Variants in FRMD1 observed in about 807,000 individuals in gnomAD.
FRMD1 encodes the protein FERM domain-containing protein 1.
FRMD1 carries 51 observed loss-of-function variants against 54.9 expected under a neutral mutation model. The observed-to-expected ratio is 0.93, with a 90% confidence interval of 0.74 to 1.17. FRMD1 has a LOEUF of 1.17. FRMD1 is among the 50% of genes most tolerant of loss of function. The pLI is 0.00. For missense variants in FRMD1, 729 were observed against 743.0 expected (o/e 0.98, Z 0.22); for synonymous variants, 324 against 306.4 (o/e 1.06, Z -0.60).
At chr6:168,075,182 C>T (rs1800524060) in intron 2 of FRMD1, 63 bp downstream of exon 2, 2 of 1,412,876 alleles carry the variant, frequency 1.4e-6, no homozygotes, top group East Asian at 2.3e-5. Flanking sequence ...GTGCCCACCC[C>T]CTTGACCTCC....
At chr6:168,064,502 C>G (rs940579351) in intron 5 of FRMD1, among the ~76,000 whole-genome samples, 11 of 151,454 alleles carry the variant, frequency 7.3e-5, no homozygotes, top group Admixed American at 7.2e-4. Flanking sequence ...TCCCAGGATA[C>G]TTAGAGAGAA....
At chr6:168,088,880 A>ATCCAGGTGTCCATGTGACCCACGGGC (rs1562436430) in intron 1 of FRMD1, among the ~76,000 whole-genome samples, 2 of 49,722 alleles carry the variant, frequency 4.0e-5, no homozygotes, top group African/African-American at 9.7e-5. Flanking sequence ...CAACCTCCCC[A>ATCCAGGTGTCCATGTGACCCACGGGC]CTCCTTGTGT....
chr6:168,070,682 T>TAC (rs59184286), intron 2 of FRMD1, among the ~76,000 whole-genome samples: 1 of 152,184 alleles, frequency 6.6e-6, no homozygotes, highest in Non-Finnish European at 1.5e-5. Flanking sequence ...TATGTATCTA[T>TAC]ACACACACAC....
intron 10 of FRMD1, 148 bp from the exon 11 acceptor site, chr6:168,057,487 G>A (rs1023973960): frequency 2.4e-5 from 28 of 1,175,296 alleles, no homozygotes; most frequent in Non-Finnish European, 2.8e-5. Context: ...GCCCCTGGAC[G>A]GGTCCCCCAG....
At chr6:168,088,181 A>T (rs1177528414) in intron 1 of FRMD1, among the ~76,000 whole-genome samples, 1 of 152,208 alleles carries the variant, frequency 6.6e-6, no homozygotes, top group Admixed American at 6.5e-5. Flanking sequence ...GTCAGGGCCC[A>T]TGCTGCCTCT....
intron 3 of FRMD1, 105 bp from the exon 4 acceptor site, chr6:168,066,936 A>C: frequency 7.1e-7 from 1 of 1,414,546 alleles, no homozygotes; most frequent in Admixed American, 2.0e-5. Flanking sequence ...ACTCAGCTTA[A>C]AGTCGAAGCT....
At chr6:168,063,288 C>A (rs1026565063) in intron 6 of FRMD1, among the ~76,000 whole-genome samples, 1 of 139,766 alleles carries the variant, frequency 7.2e-6, no homozygotes, top group African/African-American at 2.7e-5. Context: ...CTCTTAGCCA[C>A]GGGGGCTCCA....
intron 1 of FRMD1, chr6:168,075,719 C>G: frequency 6.6e-7 from 1 of 1,520,954 alleles, no homozygotes; most frequent in Non-Finnish European, 8.9e-7. Flanking sequence ...TCCCCATGAG[C>G]GCGAGCATCG....
intron 2 of FRMD1, among the ~76,000 whole-genome samples, chr6:168,074,606 CAT>C (rs1235700351): frequency 4.5e-5 from 6 of 132,852 alleles, no homozygotes; most frequent in Middle Eastern, 6.3e-3. Context: ...TAACTGTGTG[CAT>C]GTGTGTGGTG....
At chr6:168,080,215 GAGA>G (rs1800788616), upstream of FRMD1, among the ~76,000 whole-genome samples, 1 of 152,084 alleles carries the variant, frequency 6.6e-6, no homozygotes, top group African/African-American at 2.4e-5. Flanking sequence ...CCGGTGGGTT[GAGA>G]AGATTTAGGA....
rs1385261341 is a variant in FRMD1 at position 168,079,176 on chromosome 6, A to G, written c.-82T>C. Reference sequence around the variant, plus strand: ...CCAGATCACAGCTGTGCTTTCCGGGACCCGCCCTTGCCGAGCTTCTCACTG... The same window carrying G: ...CCAGATCACAGCTGTGCTTTCCGGGGCCCGCCCTTGCCGAGCTTCTCACTG... On this transcript the variant is annotated 5_prime_UTR_variant, in exon 1 of 11. Coordinates refer to ENST00000283309, the MANE Select transcript of FRMD1 (RefSeq NM_024919.6). The G allele has an allele frequency of 7.0e-6, 10 of 1,435,648 alleles. No homozygotes were observed. The highest frequency in any genetic ancestry group is 2.6e-5 in the Admixed American group (1 of 37,862). The allele number at this position is 1,435,648 out of a possible 1,614,324, so 88.9% of individuals were successfully genotyped here.
At chr6:168,071,768 C>A (rs1342880395) in intron 2 of FRMD1, among the ~76,000 whole-genome samples, 2 of 152,232 alleles carry the variant, frequency 1.3e-5, no homozygotes, top group African/African-American at 2.4e-5. Context: ...GGCTGATGAG[C>A]CAGTAATCTC....
At chr6:168,071,132 C>T (rs1196648450) in intron 2 of FRMD1, among the ~76,000 whole-genome samples, 2 of 152,212 alleles carry the variant, frequency 1.3e-5, no homozygotes, top group African/African-American at 4.8e-5. Flanking sequence ...CCCTTGCTCA[C>T]TGCCACAGGA....
chr6:168,084,026 G>A (rs1466270913), upstream of FRMD1, among the ~76,000 whole-genome samples: 1 of 152,144 alleles, frequency 6.6e-6, no homozygotes, highest in African/African-American at 2.4e-5. Flanking sequence ...CGAGTCCTGT[G>A]GGTCCAAACT....
chr6:168,081,508 C>T (rs1273772534), upstream of FRMD1: 4 of 1,531,128 alleles, frequency 2.6e-6, no homozygotes, highest in East Asian at 4.9e-5. Context: ...CTCGGCCCAA[C>T]TCTCTCTTCT....
upstream of FRMD1, chr6:168,081,621 T>G: frequency 8.8e-7 from 1 of 1,136,878 alleles, no homozygotes; most frequent in Non-Finnish European, 1.2e-6. Flanking sequence ...AAGCACAGGT[T>G]TTGGAAAACA....
chr6:168,063,201 G>T (rs570560479), intron 6 of FRMD1, among the ~76,000 whole-genome samples: 83 of 152,292 alleles, frequency 5.5e-4, no homozygotes, highest in African/African-American at 2.0e-3. Flanking sequence ...GCCTGGCCAT[G>T]CCGGGCCCGG....
chr6:168,061,048 T>A lies in FRMD1; in HGVS notation c.1055A>T (p.His352Leu). The change falls in exon 9 of 11, where the codon CAC (histidine) becomes CTC (leucine). Residue 352 changes from histidine (H) to leucine (L), a missense_variant. Coordinates refer to ENST00000283309, the MANE Select transcript of FRMD1 (RefSeq NM_024919.6). ...ATCGCTGATATAGGACTCCCGGTAG[T>A]GCTGCTTCTCTGTGGGGAGTGGGGA... Reference protein sequence around the residue: ...RQREEAEEKQHYRESYISDEL... With the variant: ...RQREEAEEKQLYRESYISDEL... The A allele has an allele frequency of 6.2e-7, 1 of 1,607,976 alleles. No individual in the cohort carries two copies. The highest frequency in any genetic ancestry group is 8.5e-7 in the Non-Finnish European group (1 of 1,176,152).
Position 168,054,099 on chromosome 6 carries a change from C to G in FRMD1, c.*2998G>C, listed in dbSNP as rs1292582681. On this transcript the variant is annotated 3_prime_UTR_variant, in exon 11 of 11. Transcript: ENST00000283309. ...TGCCCAGGGCCACCCTGTCACCACT[C>G]CAGACCAACTGCCCCCAGGAGCAGG... 6.6e-6 allele frequency: 1 copy of G among 152,558 alleles called. No homozygotes were observed. The highest frequency in any genetic ancestry group is 1.5e-5 in the Non-Finnish European group (1 of 68,326). The allele number at this position is 152,558 out of a possible 1,614,324, so 9.5% of individuals were successfully genotyped here.
Sources: allele counts gnomAD v4.1 joint callset (sites outside exome capture counted in the v4.1 genomes callset), GRCh38; gene constraint gnomAD v4.1.1; transcripts MANE v1.5; gene names NCBI Gene and HGNC (gene_info 2026-07-23, HGNC 2026-07-21).